The following PPFIA2 variants were observed in gnomAD, a reference collection of about 807,000 sequenced individuals.
The protein encoded by PPFIA2 is PPFI scaffold protein A2.
PPFIA2 carries 46 observed loss-of-function variants against 175.5 expected under a neutral mutation model. The observed-to-expected ratio is 0.26, with a 90% CI of 0.21 to 0.34. PPFIA2 has a LOEUF of 0.34. PPFIA2 is among the 10% of genes least tolerant of loss of function. The pLI, the probability that PPFIA2 is intolerant of heterozygous loss-of-function variation, is 1.00. For synonymous variants in PPFIA2, 568 were observed against 511.4 expected (o/e 1.11, Z -1.49); for missense variants, 1,179 against 1,506.1 (o/e 0.78, Z 3.60).
At chr12:81,301,138 A>G (rs2047734888) in intron 22 of PPFIA2, among the ~76,000 whole-genome samples, 1 of 152,016 alleles carries the variant, frequency 6.6e-6, no homozygotes, top group African/African-American at 2.4e-5. Context: ...AAGGGCAGGT[A>G]GGAAAGAGGT....
intron 4 of PPFIA2, among the ~76,000 whole-genome samples, chr12:81,556,701 A>C (rs1208747819): frequency 6.6e-6 from 1 of 151,946 alleles, no homozygotes; most frequent in Non-Finnish European, 1.5e-5. Context: ...TATTAAAAAA[A>C]AAATCAAGCA....
At chr12:81,677,179 C>T (rs1421583750) in intron 3 of PPFIA2, among the ~76,000 whole-genome samples, 1 of 151,470 alleles carries the variant, frequency 6.6e-6, no homozygotes, top group Non-Finnish European at 1.5e-5. Context: ...AAATATTAAA[C>T]CCATGGAAAA....
At chr12:81,676,206 C>T (rs1007417683) in intron 4 of PPFIA2, among the ~76,000 whole-genome samples, 2 of 151,980 alleles carry the variant, frequency 1.3e-5, no homozygotes, top group Non-Finnish European at 2.9e-5. Context: ...TATTTTGGAT[C>T]TCAAGCATGA....
At chr12:81,611,766 A>T (rs2060939411) in intron 4 of PPFIA2, among the ~76,000 whole-genome samples, 1 of 152,048 alleles carries the variant, frequency 6.6e-6, no homozygotes, top group Admixed American at 6.5e-5. Context: ...TTTTCACTAG[A>T]GCTGCCAGCA....
chr12:81,302,084 C>A, intron 22 of PPFIA2: 1 of 301,650 alleles, frequency 3.3e-6, no homozygotes, highest in Non-Finnish European at 6.6e-6. Context: ...AAATGTTAAA[C>A]AAAATGCCAA....
Position 81,746,370 on chromosome 12 carries a change from C to T in PPFIA2, c.249+7603G>A, listed in dbSNP as rs533490178. 4.2e-5 allele frequency among the ~76,000 whole-genome samples: 6 copies of T among 143,356 alleles called. 1 individual carries two copies. Among genetic ancestry groups the T allele is most frequent in the East Asian group, 2.1e-4 (1 of 4,668 alleles). The allele number at this position is 143,356 out of a possible 152,430, so 94.0% of individuals were successfully genotyped here. A position where few individuals can be genotyped will look rare whatever the true frequency, so the allele number is the denominator to read the frequency against. On this transcript the variant is annotated intron_variant, in intron 3 of 32. Coordinates refer to ENST00000549396, the MANE Select transcript of PPFIA2 (RefSeq NM_003625.5). ...CATTTATCCATTTTTTTTGGAGAAGCGCAGTGTCAAATAAAACAAACCTAC... is the reference window on the plus strand; with the variant it reads ...CATTTATCCATTTTTTTTGGAGAAGTGCAGTGTCAAATAAAACAAACCTAC...
At chr12:81,526,729 T>G (rs1490463470) in intron 4 of PPFIA2, among the ~76,000 whole-genome samples, 1 of 152,190 alleles carries the variant, frequency 6.6e-6, no homozygotes, top group African/African-American at 2.4e-5. Flanking sequence ...TTTGTAAAGA[T>G]AGAAGCAACA....
intron 4 of PPFIA2, among the ~76,000 whole-genome samples, chr12:81,672,661 G>A (rs1355655805): frequency 6.6e-6 from 1 of 151,956 alleles, no homozygotes; most frequent in African/African-American, 2.4e-5. Context: ...TCTATAGGGA[G>A]CAAAATGTAT....
intron 28 of PPFIA2, 57 bp downstream of exon 28, chr12:81,277,260 A>C (rs1593622377): frequency 7.0e-7 from 1 of 1,434,782 alleles, no homozygotes; most frequent in East Asian, 2.5e-5. Context: ...GGTTAGTAAA[A>C]GTGAAAGCTA....
rs114530100 is a variant in PPFIA2, at chr12:81,717,221, T to C, written c.249+36752A>G. Among the ~76,000 whole-genome samples, 1,057 of 151,872 alleles carry C rather than the reference T, an allele frequency of 7.0e-3. 13 individuals carry two copies. The highest frequency in any genetic ancestry group is 0.024 in the African/African-American group (999 of 41,502). ...ATGAATGATTATGGCTGAGTTCCAA[T>C]ACAACTTTATGGATGCTGAAATTTG... On this transcript the variant is annotated intron_variant, in intron 3 of 32. Transcript: ENST00000549396.
chr12:81,601,268 T>A (rs2059763454), intron 4 of PPFIA2, among the ~76,000 whole-genome samples: 4 of 151,984 alleles, frequency 2.6e-5, no homozygotes, highest in Admixed American at 2.6e-4. Context: ...CATTTTTTCC[T>A]ATGATTATTT....
intron 3 of PPFIA2, among the ~76,000 whole-genome samples, chr12:81,748,759 T>C (rs569010192): frequency 2.8e-5 from 4 of 144,852 alleles, no homozygotes; most frequent in African/African-American, 9.7e-5. Context: ...ATTTAAGCAA[T>C]GGATAACTGA....
At chr12:81,316,122 C>T (rs1025865469) in intron 22 of PPFIA2, among the ~76,000 whole-genome samples, 1 of 151,272 alleles carries the variant, frequency 6.6e-6, no homozygotes, top group South Asian at 2.1e-4. Context: ...CACACACACA[C>T]ATATATATGT....
At chr12:81,325,105 T>C (rs999740521) in intron 22 of PPFIA2, among the ~76,000 whole-genome samples, 6 of 151,960 alleles carry the variant, frequency 3.9e-5, no homozygotes, top group Non-Finnish European at 5.9e-5. Flanking sequence ...AATCAACCAA[T>C]AGATTCTGGA....
chr12:81,683,789 A>G (rs1182144893), intron 3 of PPFIA2, among the ~76,000 whole-genome samples: 2 of 151,936 alleles, frequency 1.3e-5, no homozygotes, highest in African/African-American at 4.8e-5. Context: ...TTAAATAAAG[A>G]AAAAAAAGGT....
In PPFIA2 at chr12:81,709,590, T is replaced by C. The variant is rs549181419; in HGVS notation, c.250-32746A>G. Among the ~76,000 whole-genome samples the C allele has an allele frequency of 3.3e-5, 5 of 152,078 alleles. No individual in the cohort carries two copies. In the South Asian group the frequency reaches 1.0e-3, roughly 32 times the overall value. On this transcript the variant is annotated intron_variant, in intron 3 of 32. Coordinates refer to ENST00000549396, the MANE Select transcript of PPFIA2 (RefSeq NM_003625.5). Reference sequence around the variant, plus strand: ...TGTCATATATATTTTACAAAGTTAATTTTTTTGCTATTTGCTAGCAAGGTT... The same window carrying C: ...TGTCATATATATTTTACAAAGTTAACTTTTTTGCTATTTGCTAGCAAGGTT...
chr12:81,655,849 G>A (rs1178899429), intron 4 of PPFIA2, among the ~76,000 whole-genome samples: 12 of 151,910 alleles, frequency 7.9e-5, no homozygotes, highest in Admixed American at 7.2e-4. Flanking sequence ...TCAGATCTGC[G>A]GAGAAGTAAA....
At chr12:81,443,739 T>A (rs2050663206) in intron 6 of PPFIA2, among the ~76,000 whole-genome samples, 1 of 152,066 alleles carries the variant, frequency 6.6e-6, no homozygotes, top group Non-Finnish European at 1.5e-5. Flanking sequence ...CTTCTCTTCT[T>A]ACAGCTCTGG....
chr12:81,708,945 A>G (rs764844710), intron 3 of PPFIA2, among the ~76,000 whole-genome samples: 38 of 152,206 alleles, frequency 2.5e-4, no homozygotes, highest in South Asian at 8.3e-4. Flanking sequence ...AGGTAATTTT[A>G]AAGATAAAAT....
Sources: gnomAD v4.1 joint callset for allele counts (sites outside exome capture counted in the v4.1 genomes callset) on GRCh38, gnomAD v4.1.1 for gene constraint, MANE v1.5 for transcripts, NCBI Gene and HGNC (gene_info 2026-07-23, HGNC 2026-07-21) for gene names.